Variants in GPHN observed in about 807,000 individuals in gnomAD.
GPHN encodes gephyrin.
A neutral mutation model predicts 95.5 loss-of-function variants in GPHN; 17 were observed. The ratio of observed to expected loss-of-function variants is 0.18; its 90% CI spans 0.12 to 0.27. The LOEUF is 0.27. Among genes scored for constraint, GPHN ranks in the 10% least tolerant of loss-of-function variants. GPHN has a pLI of 1.00. For missense variants in GPHN, 660 were observed against 978.1 expected (o/e 0.67, Z 4.34); for synonymous variants, 320 against 322.5 (o/e 0.99, Z 0.08).
chr14:66,893,343 C>A (rs943017275), intron 5 of GPHN, among the ~76,000 whole-genome samples: 2 of 152,110 alleles, frequency 1.3e-5, no homozygotes, highest in African/African-American at 4.8e-5. Flanking sequence ...GGTTGCAGCC[C>A]ACTGAGTGTG....
the GPHN span, among the ~76,000 whole-genome samples, chr14:67,291,434 G>T: frequency 6.6e-6 from 1 of 152,066 alleles, no homozygotes; most frequent in African/African-American, 2.4e-5. Flanking sequence ...ACAGGTGCCC[G>T]CCACTGTTCC....
At chr14:67,100,965 GC>G in intron 13 of GPHN, 54 bp downstream of exon 13, 1 of 1,042,834 alleles carries the variant, frequency 9.6e-7, no homozygotes, top group Admixed American at 1.7e-5. Flanking sequence ...TGGACTTTGG[GC>G]ATCTAATTCT....
the GPHN span, among the ~76,000 whole-genome samples, chr14:67,251,741 G>C: frequency 6.6e-6 from 1 of 152,180 alleles, no homozygotes; most frequent in Non-Finnish European, 1.5e-5. Context: ...ATTTTCTTAA[G>C]CATAGAGAGT....
At chr14:66,976,174 C>T (rs2070207412) in intron 9 of GPHN, among the ~76,000 whole-genome samples, 1 of 152,152 alleles carries the variant, frequency 6.6e-6, no homozygotes, top group African/African-American at 2.4e-5. Context: ...AGATCTTTTA[C>T]ATTTAGGTAA....
At chr14:66,995,998 A>G (rs556693297) in intron 9 of GPHN, among the ~76,000 whole-genome samples, 1 of 152,256 alleles carries the variant, frequency 6.6e-6, no homozygotes, top group Non-Finnish European at 1.5e-5. Context: ...TTTTGTCACA[A>G]AGTTTTCCTT....
At chr14:67,037,558 G>T (rs762833240) in intron 10 of GPHN, among the ~76,000 whole-genome samples, 1 of 151,708 alleles carries the variant, frequency 6.6e-6, no homozygotes, top group Non-Finnish European at 1.5e-5. Flanking sequence ...CTGATAAGGG[G>T]TTAATATCCA....
chr14:66,621,701 C>T (rs768759643), intron 1 of GPHN, among the ~76,000 whole-genome samples: 5 of 152,166 alleles, frequency 3.3e-5, no homozygotes, highest in South Asian at 2.1e-4. Flanking sequence ...GGATTACAGG[C>T]GTGAGCCACC....
chr14:67,692,233 C>G, the GPHN span: 1 of 561,444 alleles, frequency 1.8e-6, no homozygotes, highest in Non-Finnish European at 3.1e-6. Flanking sequence ...ACTGCTATGA[C>G]GTTTTGAATT....
intron 1 of GPHN, among the ~76,000 whole-genome samples, chr14:66,604,236 C>T (rs1345380732): frequency 6.6e-6 from 1 of 152,106 alleles, no homozygotes; most frequent in African/African-American, 2.4e-5. Flanking sequence ...AACTCTGTTA[C>T]TGGCACCTGC....
At chr14:67,031,162 G>A (rs2074179110) in intron 10 of GPHN, among the ~76,000 whole-genome samples, 1 of 152,108 alleles carries the variant, frequency 6.6e-6, no homozygotes, top group African/African-American at 2.4e-5. Context: ...GTGTAAGTCA[G>A]ACTTTTCAGT....
chr14:66,835,175 T>C (rs1482799206), intron 4 of GPHN, among the ~76,000 whole-genome samples: 9 of 150,522 alleles, frequency 6.0e-5, no homozygotes, highest in African/African-American at 2.0e-4. Flanking sequence ...GCTAGCGGTC[T>C]ATCAATTTTG....
chr14:67,208,392 C>T, the GPHN span: 10 of 1,613,940 alleles, frequency 6.2e-6, no homozygotes, highest in Non-Finnish European at 8.5e-6. Flanking sequence ...AAGGATAAGA[C>T]CTCTGAAGAA....
At chr14:67,342,223 T>TTAAAAA in the GPHN span, among the ~76,000 whole-genome samples, 28 of 93,458 alleles carry the variant, frequency 3.0e-4, no homozygotes, top group African/African-American at 1.5e-3. Context: ...TAAAATAAAA[T>TTAAAAA]AAAAAAAAAC....
the GPHN span, among the ~76,000 whole-genome samples, chr14:67,291,598 A>G: frequency 6.6e-6 from 1 of 152,148 alleles, no homozygotes; most frequent in African/African-American, 2.4e-5. Flanking sequence ...GTGCTTCTTA[A>G]CCATTTTAGA....
intron 2 of GPHN, among the ~76,000 whole-genome samples, chr14:66,711,264 C>T (rs182176766): frequency 6.6e-6 from 1 of 152,200 alleles, no homozygotes; most frequent in East Asian, 1.9e-4. Flanking sequence ...TAGCTTAGAC[C>T]CCACATATCA....
chr14:67,530,335 G>A, the GPHN span, among the ~76,000 whole-genome samples: 13 of 152,224 alleles, frequency 8.5e-5, no homozygotes, highest in Non-Finnish European at 1.6e-4. Context: ...TTAAGCAACT[G>A]CCCCAAGGTC....
the GPHN span, among the ~76,000 whole-genome samples, chr14:67,417,002 TGA>T: frequency 6.6e-6 from 1 of 152,222 alleles, no homozygotes; most frequent in Non-Finnish European, 1.5e-5. Context: ...TTCTGTTCAG[TGA>T]ATCAAGACCA....
chr14:66,789,252 A>C (rs899599902), intron 3 of GPHN, among the ~76,000 whole-genome samples: 2 of 152,206 alleles, frequency 1.3e-5, no homozygotes, highest in African/African-American at 4.8e-5. Context: ...TAGCCAAATA[A>C]TTCCACATTT....
intron 1 of GPHN, among the ~76,000 whole-genome samples, chr14:66,589,073 A>C (rs910735172): frequency 1.3e-5 from 2 of 152,182 alleles, no homozygotes; most frequent in Admixed American, 1.3e-4. Flanking sequence ...AGTGGGGGCC[A>C]ATATTCAACC....
Sources: gnomAD v4.1 joint callset for allele counts (sites outside exome capture counted in the v4.1 genomes callset) on GRCh38, gnomAD v4.1.1 for gene constraint, MANE v1.5 for transcripts, NCBI Gene and HGNC (gene_info 2026-07-23, HGNC 2026-07-21) for gene names.